The following SUCLG2 variants were observed in gnomAD, a reference collection of about 807,000 sequenced individuals.
SUCLG2 encodes the protein succinate--CoA ligase [GDP-forming] subunit beta, mitochondrial.
Under a neutral mutation model 47.9 loss-of-function variants are expected in SUCLG2, and 42 were observed. That is an observed-to-expected ratio of 0.88 (90% CI 0.69 to 1.14). The LOEUF (loss-of-function observed/expected upper bound fraction) is 1.14. Ranked by LOEUF, SUCLG2 falls within the 50% of genes most tolerant of loss-of-function variation. SUCLG2 has a pLI of 0.00. For missense variants in SUCLG2, 571 were observed against 525.9 expected (o/e 1.09, Z -0.84); for synonymous variants, 195 against 197.3 (o/e 0.99, Z 0.10).
intron 2 of SUCLG2, among the ~76,000 whole-genome samples, chr3:67,532,524 C>T (rs1234683869): frequency 2.0e-5 from 3 of 152,284 alleles, no homozygotes; most frequent in African/African-American, 7.2e-5. Context: ...AGTCTTTGCT[C>T]TTAATTGCTA....
intron 1 of SUCLG2, among the ~76,000 whole-genome samples, chr3:67,651,572 G>A (rs1034228317): frequency 3.9e-5 from 6 of 152,296 alleles, no homozygotes; most frequent in South Asian, 4.1e-4. Flanking sequence ...CAAAACCAGC[G>A]TTATAAGTCA....
chr3:67,505,607 C>T (rs1380351438), intron 7 of SUCLG2, among the ~76,000 whole-genome samples: 4 of 152,170 alleles, frequency 2.6e-5, no homozygotes, highest in Admixed American at 6.6e-5. Context: ...TGAACAATAA[C>T]CTGAATTATT....
chr3:67,400,000 C>T (rs529454366), intron 10 of SUCLG2, among the ~76,000 whole-genome samples: 4 of 151,978 alleles, frequency 2.6e-5, no homozygotes, highest in Non-Finnish European at 2.9e-5. Context: ...GGGCAACAAA[C>T]AAACCCTGTC....
intron 9 of SUCLG2, among the ~76,000 whole-genome samples, chr3:67,412,709 T>C (rs1421540241): frequency 6.6e-6 from 1 of 152,182 alleles, no homozygotes; most frequent in Non-Finnish European, 1.5e-5. Flanking sequence ...AGTAGTCACC[T>C]CCTTCTCTCT....
intron 1 of SUCLG2, among the ~76,000 whole-genome samples, chr3:67,621,758 G>A (rs775298432): frequency 6.6e-6 from 1 of 152,068 alleles, no homozygotes; most frequent in African/African-American, 2.4e-5. Context: ...CAGCAAGAAG[G>A]CCCTCACCAG....
rs369920251 is a variant in SUCLG2 at position 67,422,805 on chromosome 3, T to C, written c.1063-21954A>G. Among the ~76,000 whole-genome samples, 51 of 152,290 alleles carry C rather than the reference T, an allele frequency of 3.3e-4. 2 individuals are homozygous for C. The highest frequency in any genetic ancestry group is 1.1e-3 in the African/African-American group (47 of 41,582). ...TGCATCTTACTAAAGGGTGGGCAAC[T>C]GACGGATAGGGCATCTGTATCATTT... On this transcript the variant is annotated intron_variant, in intron 9 of 10. Transcript: ENST00000307227.
chr3:67,396,417 T>C (rs1398002609), intron 10 of SUCLG2, among the ~76,000 whole-genome samples: 1 of 151,730 alleles, frequency 6.6e-6, no homozygotes, highest in Non-Finnish European at 1.5e-5. Context: ...AACTAGAAAA[T>C]CTAGAAGAAA....
intron 9 of SUCLG2, among the ~76,000 whole-genome samples, chr3:67,487,356 A>G (rs1211362820): frequency 6.6e-6 from 1 of 152,194 alleles, no homozygotes; most frequent in Non-Finnish European, 1.5e-5. Flanking sequence ...ACTCTACACA[A>G]TAGTATTTCA....
intron 9 of SUCLG2, among the ~76,000 whole-genome samples, chr3:67,454,488 A>G (rs928483461): frequency 6.6e-6 from 1 of 152,074 alleles, no homozygotes; most frequent in Non-Finnish European, 1.5e-5. Flanking sequence ...ACGATTTGCC[A>G]TATTTGCTTT....
intron 9 of SUCLG2, among the ~76,000 whole-genome samples, chr3:67,419,145 C>T (rs989484027): frequency 2.0e-5 from 3 of 152,176 alleles, no homozygotes; most frequent in African/African-American, 7.2e-5. Flanking sequence ...AGGATGCTGG[C>T]ATTCTATTTA....
At chr3:67,532,833 A>G (rs762305994) in intron 2 of SUCLG2, among the ~76,000 whole-genome samples, 2 of 152,192 alleles carry the variant, frequency 1.3e-5, no homozygotes, top group Non-Finnish European at 2.9e-5. Context: ...CTGAATTATA[A>G]CAATGCTTTT....
In SUCLG2 at chr3:67,522,034, T is replaced by C. The variant is rs1321053114; in HGVS notation, c.418-1400A>G. Among the ~76,000 whole-genome samples the C allele has an allele frequency of 3.9e-5, 6 of 151,900 alleles. No homozygotes were observed. In the East Asian group the frequency reaches 1.2e-3, roughly 29 times the overall value. ...TATTTAACCATGTTCCTGCATTTAT[T>C]TATTTATTTATCTATTTATTTATTT... On this transcript the variant is annotated intron_variant, in intron 4 of 10. Transcript: ENST00000307227.
At chr3:67,486,623 G>A (rs566846592) in intron 9 of SUCLG2, among the ~76,000 whole-genome samples, 5 of 152,182 alleles carry the variant, frequency 3.3e-5, no homozygotes, top group African/African-American at 9.6e-5. Flanking sequence ...AACTCATGCC[G>A]AATGAAGCTT....
intron 6 of SUCLG2, among the ~76,000 whole-genome samples, chr3:67,517,844 T>A (rs1705987137): frequency 6.6e-6 from 1 of 152,198 alleles, no homozygotes; most frequent in Non-Finnish European, 1.5e-5. Context: ...TTACACATTA[T>A]TCTACTGAAT....
intron 1 of SUCLG2, among the ~76,000 whole-genome samples, chr3:67,621,934 C>A (rs1394844340): frequency 5.9e-5 from 9 of 152,206 alleles, no homozygotes; most frequent in Admixed American, 5.9e-4. Flanking sequence ...GCACATCATT[C>A]CACCACATCA....
intron 9 of SUCLG2, among the ~76,000 whole-genome samples, chr3:67,429,402 G>C (rs1222778763): frequency 6.6e-6 from 1 of 152,042 alleles, no homozygotes; most frequent in East Asian, 1.9e-4. Flanking sequence ...AGCAAATGCT[G>C]AGATTTTGTC....
rs1023060461 is a variant in SUCLG2 at position 67,400,742 on chromosome 3, A to C, written c.1172T>G (p.Val391Gly). Residue 391 changes from valine to glycine, a missense_variant, in exon 10 of 11, where the codon GTC becomes GGC. Transcript: ENST00000307227. ...CTACCATGACTCACCTTCAAGCCGG[A>C]CCACCAGGGGCACCTTGAGTTCTAG... ...RELELKVPLVVRLEGTNVQEA... is the reference protein window; with the variant it reads ...RELELKVPLVGRLEGTNVQEA... 1.2e-6 allele frequency: 2 copies of C among 1,611,804 alleles called. No individual in the cohort carries two copies. Among genetic ancestry groups the C allele is most frequent in the Non-Finnish European group, 8.5e-7 (1 of 1,179,926 alleles).
chr3:67,391,648 A>G (rs17807645), intron 10 of SUCLG2, among the ~76,000 whole-genome samples: 8,676 of 152,200 alleles, frequency 0.057, 323 homozygotes, highest in Middle Eastern at 0.13. Context: ...AAACATTTTC[A>G]TTCAGAATAT....
chr3:67,493,962 T>A (rs1705267228), intron 9 of SUCLG2, among the ~76,000 whole-genome samples: 1 of 152,230 alleles, frequency 6.6e-6, no homozygotes, highest in Non-Finnish European at 1.5e-5. Context: ...TGAACTTCAA[T>A]AACTTGGCTA....
Sources: allele counts gnomAD v4.1 joint callset (sites outside exome capture counted in the v4.1 genomes callset), GRCh38; gene constraint gnomAD v4.1.1; transcripts MANE v1.5; gene names NCBI Gene and HGNC (gene_info 2026-07-23, HGNC 2026-07-21).